Variants in PRDM11 observed in about 807,000 individuals in gnomAD.
The protein encoded by PRDM11 is PR/SET domain 11.
In PRDM11, 20 loss-of-function variants were observed where a neutral mutation model predicts 97.8. That is an observed-to-expected ratio of 0.20 (90% CI 0.14 to 0.30). The LOEUF (loss-of-function observed/expected upper bound fraction) is 0.30. Ranked by LOEUF, PRDM11 falls within the 10% of genes least tolerant of loss-of-function variation. The pLI is 1.00. For missense variants in PRDM11, 1,139 were observed against 1,555.2 expected (o/e 0.73, Z 4.50); for synonymous variants, 599 against 637.7 (o/e 0.94, Z 0.91).
At chr11:45,111,848 G>A (rs1786019400) in intron 1 of PRDM11, among the ~76,000 whole-genome samples, 1 of 152,178 alleles carries the variant, frequency 6.6e-6, no homozygotes, top group African/African-American at 2.4e-5. Flanking sequence ...TCACTCTGCT[G>A]TGTGGCACAT....
chr11:45,204,718 A>G lies in PRDM11; in HGVS notation c.494A>G (p.Asp165Gly). 1 of 1,611,964 alleles carries G rather than the reference A, an allele frequency of 6.2e-7. No homozygotes were observed. The highest frequency in any genetic ancestry group is 8.5e-7 in the Non-Finnish European group (1 of 1,178,044). The change falls in exon 5 of 8, where the codon GAC becomes GGC. Residue 165 changes from aspartate to glycine, a missense_variant. By Grantham distance (94) the Asp-to-Gly change is moderately conservative. Coordinates refer to ENST00000683152, the MANE Select transcript of PRDM11 (RefSeq NM_001384648.1). ...TCTTTCTCTTTCTTCCAGATTGTGG[A>G]CAAGAACAACCGCTATAAGTCCATA... ...SAGFFSWLIV[D>G]KNNRYKSIDG...
At chr11:45,132,951 C>T (rs1020744742) in intron 1 of PRDM11, among the ~76,000 whole-genome samples, 1 of 152,088 alleles carries the variant, frequency 6.6e-6, no homozygotes, top group African/African-American at 2.4e-5. Context: ...GGAGCAACAC[C>T]CTGCTTAAGA....
Position 45,110,740 on chromosome 11 carries a change from C to T in PRDM11, c.96+14839C>T, listed in dbSNP as rs957615033. On this transcript the variant is annotated intron_variant, in intron 1 of 6. Transcript: ENST00000530656. ...TAATCCAGGTGCGGGGTGCAAGGAGCTTCACATCCCATTCCCTCACCCATT... is the reference window on the plus strand; with the variant it reads ...TAATCCAGGTGCGGGGTGCAAGGAGTTTCACATCCCATTCCCTCACCCATT... 6.6e-5 allele frequency among the ~76,000 whole-genome samples: 10 copies of T among 152,314 alleles called. No homozygotes were observed. In the South Asian group the frequency reaches 1.9e-3, roughly 28 times the overall value.
chr11:45,220,641 G>C (rs1289163979), intron 6 of PRDM11, among the ~76,000 whole-genome samples: 3 of 152,072 alleles, frequency 2.0e-5, no homozygotes. Flanking sequence ...TGATGTCCCA[G>C]ACAAAACCAG....
intron 5 of PRDM11, chr11:45,213,658 T>G (rs1853860250): frequency 4.4e-6 from 2 of 456,270 alleles, no homozygotes; most frequent in African/African-American, 2.0e-5. Context: ...AGAGAGCACT[T>G]TATGCTTTTC....
chr11:45,215,512 C>G (rs1399320357), intron 5 of PRDM11, among the ~76,000 whole-genome samples: 1 of 152,230 alleles, frequency 6.6e-6, no homozygotes, highest in Non-Finnish European at 1.5e-5. Context: ...GCTGGCTGCT[C>G]TCTCTCTTCC....
Position 45,227,854 on chromosome 11 carries a change from G to A in PRDM11, c.3229G>A (p.Val1077Ile), listed in dbSNP as rs1458737064. ...TCCACTCTTGAACAAGATCATCCAG[G>A]TTCTTAAAGTCCTCCCCACTTCCAC... ...RFPLLNKIIQVLKVLPTSTAC... is the reference protein window; with the variant it reads ...RFPLLNKIIQILKVLPTSTAC... Residue 1077 changes from valine (V) to isoleucine (I), a missense_variant, in exon 8 of 8, where the codon GTT becomes ATT. Coordinates refer to ENST00000683152, the MANE Select transcript of PRDM11 (RefSeq NM_001384648.1). The surrounding 1 kb of genome is among the most constrained non-coding windows in gnomAD (Gnocchi z 8.0). 4.6e-6 allele frequency: 7 copies of A among 1,533,776 alleles called. No homozygotes were observed. The highest frequency in any genetic ancestry group is 2.0e-5 in the Admixed American group (1 of 50,960).
Position 45,224,323 on chromosome 11 carries a change from C to A in PRDM11, c.849C>A (p.Tyr283Ter). 6.2e-7 allele frequency: 1 copy of A among 1,614,184 alleles called. No individual in the cohort carries two copies. The highest frequency in any genetic ancestry group is 8.5e-7 in the Non-Finnish European group (1 of 1,180,044). The change falls in exon 7 of 8, where the codon TAC (tyrosine) becomes TAA (stop). Residue 283 changes from tyrosine (Y) to a stop codon, truncating the protein, a stop_gained. Coordinates refer to ENST00000683152, the MANE Select transcript of PRDM11 (RefSeq NM_001384648.1). LOFTEE classifies it high-confidence loss of function. ...TGCTGAGACAGGGCAAAAGTCCCTA[C>A]AAGCGTGGCTTTGATGAGGGGGATG... ...LSVLRQGKSP[Y>*]KRGFDEGDVH... is the part of the protein sequence containing the mutation.
intron 1 of PRDM11, among the ~76,000 whole-genome samples, chr11:45,134,980 T>C (rs954354241): frequency 6.6e-6 from 1 of 152,088 alleles, no homozygotes; most frequent in Admixed American, 6.5e-5. Context: ...AAAAAAGGCA[T>C]TGGTAAAAAT....
intron 1 of PRDM11, among the ~76,000 whole-genome samples, chr11:45,134,479 C>T (rs1472320744): frequency 4.6e-5 from 7 of 151,922 alleles, no homozygotes; most frequent in South Asian, 2.1e-4. Context: ...GTGGGCAGAT[C>T]GCTTGACTCA....
intron 1 of PRDM11, among the ~76,000 whole-genome samples, chr11:45,163,773 G>T (rs1479731936): frequency 6.6e-6 from 1 of 152,198 alleles, no homozygotes; most frequent in Non-Finnish European, 1.5e-5. Context: ...AGGAGCTGCA[G>T]ACCAATACTT....
rs1053818825 is a variant in PRDM11, at chr11:45,193,689, G to A, written c.486+10566G>A. ...CTGGTGGGCCATGCAGAAACAGGTG[G>A]TGGGCTGGAATTAGCCCACAAGCCG... is the stretch of plus-strand genomic sequence containing the variant. On this transcript the variant is annotated intron_variant, in intron 4 of 7. Transcript: ENST00000683152. 4.6e-5 allele frequency among the ~76,000 whole-genome samples: 7 copies of A among 152,132 alleles called. No individual in the cohort carries two copies. In the East Asian group the frequency reaches 1.2e-3, roughly 25 times the overall value.
intron 4 of PRDM11, among the ~76,000 whole-genome samples, chr11:45,193,663 C>A (rs1852992569): frequency 6.6e-6 from 1 of 152,190 alleles, no homozygotes; most frequent in South Asian, 2.1e-4. Flanking sequence ...TCATTCTTAG[C>A]CTGGTGGGCC....
At chr11:45,116,075 A>G (rs1298695649) in intron 1 of PRDM11, among the ~76,000 whole-genome samples, 2 of 152,230 alleles carry the variant, frequency 1.3e-5, no homozygotes, top group African/African-American at 4.8e-5. Flanking sequence ...TACAAATATC[A>G]GAAAGGTGTA....
chr11:45,207,429 T>TGG (rs1853556279), intron 5 of PRDM11, among the ~76,000 whole-genome samples: 1 of 140,898 alleles, frequency 7.1e-6, no homozygotes, highest in Non-Finnish European at 1.6e-5. Flanking sequence ...TTTGTGCCCC[T>TGG]GGGGGCATTT....
chr11:45,110,075 A>G (rs1852140645), intron 1 of PRDM11, among the ~76,000 whole-genome samples: 1 of 152,196 alleles, frequency 6.6e-6, no homozygotes, highest in Non-Finnish European at 1.5e-5. Flanking sequence ...AGTGACCTTC[A>G]TCCAAACCTC....
At chr11:45,131,495 A>G (rs1003570196) in intron 1 of PRDM11, among the ~76,000 whole-genome samples, 1 of 152,210 alleles carries the variant, frequency 6.6e-6, no homozygotes, top group Admixed American at 6.5e-5. Context: ...AATATATACA[A>G]CCATTACCCA....
At chr11:45,115,728 G>A (rs978865357) in intron 1 of PRDM11, among the ~76,000 whole-genome samples, 3 of 152,120 alleles carry the variant, frequency 2.0e-5, no homozygotes, top group East Asian at 3.9e-4. Flanking sequence ...TCAGGAGTTC[G>A]AGATCAGCCT....
chr11:45,182,067 C>A (rs1473054967), intron 2 of PRDM11, among the ~76,000 whole-genome samples, 179 bp from the exon 3 acceptor site: 1 of 152,102 alleles, frequency 6.6e-6, no homozygotes, highest in African/African-American at 2.4e-5. Flanking sequence ...GGTCTGTGCT[C>A]GCATCTCAAT....
Sources: gnomAD v4.1 joint callset for allele counts (sites outside exome capture counted in the v4.1 genomes callset) on GRCh38, gnomAD v4.1.1 for gene constraint, Gnocchi (gnomAD v3.1) non-coding constraint, MANE v1.5 for transcripts, NCBI Gene and HGNC (gene_info 2026-07-23, HGNC 2026-07-21) for gene names.